The following DYM variants were observed in gnomAD, a reference collection of about 807,000 sequenced individuals.
DYM encodes the protein dyggve-Melchior-Clausen syndrome protein.
DYM carries 78 observed loss-of-function variants against 93.1 expected under a neutral mutation model. The ratio of observed to expected loss-of-function variants is 0.84; its 90% CI spans 0.70 to 1.01. DYM has a LOEUF of 1.01. DYM is among the 50% of genes least tolerant of loss of function. The probability of loss-of-function intolerance (pLI) is 0.00; values close to 1 mark genes in which losing one functional copy is unlikely to be tolerated. For missense variants in DYM, 789 were observed against 845.0 expected (o/e 0.93, Z 0.82); for synonymous variants, 321 against 319.7 (o/e 1.00, Z -0.04).
At chr18:49,433,803 G>C (rs1214264334) in intron 1 of DYM, among the ~76,000 whole-genome samples, 1 of 152,194 alleles carries the variant, frequency 6.6e-6, no homozygotes, top group Non-Finnish European at 1.5e-5. Flanking sequence ...GGGAAGTGGA[G>C]ATTGCAGTGA....
rs116775579 is a variant in DYM at position 49,275,920 on chromosome 18, G to A, written c.1126-3617C>T. Among the ~76,000 whole-genome samples the A allele has an allele frequency of 3.5e-3, 526 of 152,188 alleles. 4 individuals are homozygous for A. The highest frequency in any genetic ancestry group is 0.012 in the African/African-American group (488 of 41,532). ...CATATTGACTTTTTATACTGATCCA[G>A]TATCCTGCAACTTTGCTGAACTCAT... is the stretch of plus-strand genomic sequence containing the variant. On this transcript the variant is annotated intron_variant, in intron 10 of 17. Transcript: ENST00000675505.
chr18:49,123,404 C>G (rs1372728174), intron 15 of DYM, among the ~76,000 whole-genome samples: 1 of 152,162 alleles, frequency 6.6e-6, no homozygotes, highest in Non-Finnish European at 1.5e-5. Context: ...TTCAAGATCC[C>G]ATGGTGAGGC....
chr18:49,447,527 A>C (rs2082193247), intron 1 of DYM: 1 of 152,146 alleles, frequency 6.6e-6, no homozygotes, highest in South Asian at 2.1e-4. Context: ...TTTCATTCCA[A>C]GGTTCTCGGC....
At chr18:49,045,667 TA>T (rs764506854) in intron 17 of DYM, among the ~76,000 whole-genome samples, 9 of 151,530 alleles carry the variant, frequency 5.9e-5, no homozygotes, top group Admixed American at 3.9e-4. Flanking sequence ...AAAAAACCAA[TA>T]ATAACAGGGC....
At chr18:49,218,085 A>C (rs1422636624) in intron 13 of DYM, among the ~76,000 whole-genome samples, 1 of 152,156 alleles carries the variant, frequency 6.6e-6, no homozygotes, top group African/African-American at 2.4e-5. Flanking sequence ...GGAAAACAAA[A>C]AAAGGCAGGG....
rs550698709 is a variant in DYM at position 49,196,170 on chromosome 18, C to A, written c.1625+13381G>T. On this transcript the variant is annotated intron_variant, in intron 14 of 17. Transcript: ENST00000675505. The stretch of plus-strand genomic sequence containing the variant: ...GGAACTCCTAACCTCAGGTGATCCA[C>A]CCGCCTTGGCCTTCCAAAGTGCTGG... Among the ~76,000 whole-genome samples, 31 of 152,212 alleles carry A rather than the reference C, an allele frequency of 2.0e-4. 1 individual carries two copies. The highest frequency in any genetic ancestry group is 7.0e-4 in the African/African-American group (29 of 41,514).
At position 49,287,230 on chromosome 18, in the gene DYM, G is replaced by C. The variant is rs369069852; in HGVS notation, c.764-614C>G. Among the ~76,000 whole-genome samples, 26 of 151,720 alleles carry C rather than the reference G, an allele frequency of 1.7e-4. 1 individual carries two copies. The South Asian group carries it at 5.4e-3, about 32-fold the overall frequency. On this transcript the variant is annotated intron_variant, in intron 8 of 17. Transcript: ENST00000675505. ...AAATGCATTATGATCAAGAGGCTTT[G>C]TTTCTAAAGTACAAGAATTGTTCAC...
At chr18:49,293,326 T>C (rs1339367881) in intron 8 of DYM, among the ~76,000 whole-genome samples, 1 of 152,314 alleles carries the variant, frequency 6.6e-6, no homozygotes, top group South Asian at 2.1e-4. Flanking sequence ...TTATAATCCT[T>C]TGGGTGTGTA....
At chr18:49,138,316 G>A (rs773259346) in intron 15 of DYM, among the ~76,000 whole-genome samples, 1 of 152,154 alleles carries the variant, frequency 6.6e-6, no homozygotes, top group Non-Finnish European at 1.5e-5. Flanking sequence ...ACAAGAATAA[G>A]AAAACTGAAA....
At chr18:49,413,825 C>T (rs1287930175) in intron 2 of DYM, among the ~76,000 whole-genome samples, 3 of 152,122 alleles carry the variant, frequency 2.0e-5, no homozygotes, top group Non-Finnish European at 4.4e-5. Flanking sequence ...GCCTGGCCAA[C>T]ATGGTGAAAC....
At chr18:49,234,949 T>C (rs2093816214) in intron 13 of DYM, among the ~76,000 whole-genome samples, 1 of 152,096 alleles carries the variant, frequency 6.6e-6, no homozygotes, top group Non-Finnish European at 1.5e-5. Flanking sequence ...TAAGCAGCCC[T>C]CAGGAAGGCA....
rs1236015290 is a variant in DYM at position 49,044,780 on chromosome 18, A to G, written c.2026-576T>C. ...CTCTTCCTCCCTGGAGGCAGGAGCA[A>G]TGGCTTTGGCTTTGCGGAGAGGGAG... On this transcript the variant is annotated intron_variant, in intron 17 of 17. Transcript: ENST00000675505. Among the ~76,000 whole-genome samples the G allele has an allele frequency of 6.6e-5, 10 of 152,332 alleles. No individual in the cohort carries two copies. The East Asian group carries it at 1.9e-3, about 29-fold the overall frequency.
chr18:49,159,462 A>G (rs1249242057), intron 15 of DYM, among the ~76,000 whole-genome samples: 3 of 152,272 alleles, frequency 2.0e-5, no homozygotes, highest in Admixed American at 1.3e-4. Context: ...AAGGTCAGCC[A>G]GTGATATAGT....
At chr18:49,211,915 G>C (rs1466075157) in intron 13 of DYM, among the ~76,000 whole-genome samples, 2 of 152,116 alleles carry the variant, frequency 1.3e-5, no homozygotes, top group African/African-American at 4.8e-5. Context: ...TACCAAAAGA[G>C]AGCAAAAACT....
intron 14 of DYM, among the ~76,000 whole-genome samples, chr18:49,196,067 G>A (rs1016558543): frequency 2.6e-5 from 4 of 151,780 alleles, no homozygotes; most frequent in Admixed American, 6.6e-5. Context: ...TGGGATCACA[G>A]GCACCCACCA....
At chr18:49,128,940 T>C (rs2083103901) in intron 15 of DYM, among the ~76,000 whole-genome samples, 1 of 152,138 alleles carries the variant, frequency 6.6e-6, no homozygotes, top group East Asian at 1.9e-4. Flanking sequence ...CTATTTATCT[T>C]TGATACTCTT....
At chr18:49,390,347 T>C (rs1011660898) in intron 3 of DYM, among the ~76,000 whole-genome samples, 1 of 152,030 alleles carries the variant, frequency 6.6e-6, no homozygotes, top group Admixed American at 6.6e-5. Context: ...GAAGGATCAC[T>C]GAAGCCCAGG....
chr18:49,453,300 T>C (rs1431227408), intron 1 of DYM, among the ~76,000 whole-genome samples: 1 of 152,074 alleles, frequency 6.6e-6, no homozygotes, highest in Non-Finnish European at 1.5e-5. Flanking sequence ...GATAAGGGAA[T>C]AAAAGCAGGC....
At chr18:49,402,587 A>G (rs2070979288) in intron 2 of DYM, among the ~76,000 whole-genome samples, 1 of 152,192 alleles carries the variant, frequency 6.6e-6, no homozygotes, top group Non-Finnish European at 1.5e-5. Context: ...TCACAACACA[A>G]TCAGGTACAT....
Sources: allele counts gnomAD v4.1 joint callset (sites outside exome capture counted in the v4.1 genomes callset), GRCh38; gene constraint gnomAD v4.1.1; transcripts MANE v1.5; gene names NCBI Gene and HGNC (gene_info 2026-07-23, HGNC 2026-07-21).